CHAT: variants seen among roughly 807,000 people sequenced by gnomAD.
CHAT encodes choline O-acetyltransferase, also known as acetyl CoA:choline O-acetyltransferase.
CHAT carries 61 observed loss-of-function variants against 76.9 expected under a neutral mutation model. The observed-to-expected ratio is 0.79, with a 90% confidence interval of 0.65 to 0.98. The LOEUF (loss-of-function observed/expected upper bound fraction) is 0.98, where lower values mean the gene tolerates loss of function less well. CHAT is among the 50% of genes least tolerant of loss of function. The pLI, the probability that CHAT is intolerant of heterozygous loss-of-function variation, is 0.00. For synonymous variants in CHAT, 407 were observed against 397.4 expected (o/e 1.02, Z -0.29); for missense variants, 946 against 986.9 (o/e 0.96, Z 0.56).
chr10:49,627,872 C>T, intron 7 of CHAT, 87 bp downstream of exon 7: 1 of 1,443,944 alleles, frequency 6.9e-7, no homozygotes, highest in Non-Finnish European at 9.4e-7. Flanking sequence ...GCCAGGGCCT[C>T]ATCCCCATCA....
intron 13 of CHAT, among the ~76,000 whole-genome samples, chr10:49,659,033 C>T (rs1470414904): frequency 1.3e-5 from 2 of 152,026 alleles, no homozygotes; most frequent in East Asian, 1.9e-4. Context: ...ATGGAAAATA[C>T]TCATAGCAAA....
intron 11 of CHAT, among the ~76,000 whole-genome samples, chr10:49,654,641 G>A (rs1038257475): frequency 4.6e-5 from 7 of 152,232 alleles, no homozygotes; most frequent in Non-Finnish European, 1.0e-4. Context: ...CTGGACAGCC[G>A]TTTACGCTTA....
At chr10:49,661,521 C>T (rs534110930) in intron 13 of CHAT, 5 of 152,264 alleles carry the variant, frequency 3.3e-5, no homozygotes, top group South Asian at 2.1e-4. Context: ...TGCATTCATT[C>T]GCAACTGAAA....
rs1295812124 is a variant in CHAT, at chr10:49,665,985, T to C, written c.*939T>C. On this transcript the variant is annotated 3_prime_UTR_variant, in exon 15 of 15. Transcript: ENST00000337653. ...ATGGTTACTTTGGGTTTTTCCATTA[T>C]CTGTTTTGTTTTAAGACAGAGATTT... 6.6e-6 allele frequency among the ~76,000 whole-genome samples: 1 copy of C among 152,222 alleles called. No individual in the cohort carries two copies. The highest frequency in any genetic ancestry group is 1.5e-5 in the Non-Finnish European group (1 of 68,030).
At chr10:49,622,196 G>A in intron 5 of CHAT, 46 bp downstream of exon 5, 16 of 1,583,774 alleles carry the variant, frequency 1.0e-5, no homozygotes, top group Non-Finnish European at 1.4e-5. Context: ...GTCTGCCTAT[G>A]CGTCTATCTC....
chr10:49,655,113 G>A lies in CHAT; in HGVS notation c.1653G>A (p.Val551=). ...CACGCAGGCTCCATCGAAGACTGGT[G>A]CCCACCTACGAGAGCGCGTCCATCC... is the stretch of plus-strand genomic sequence containing the variant. The part of the protein sequence containing the change: ...LAFYRLHRRL[V]PTYESASIRR... The change falls in exon 12 of 15, where the codon GTG becomes GTA. Residue 551 remains valine, a synonymous_variant. Coordinates refer to ENST00000337653, the MANE Select transcript of CHAT (RefSeq NM_020549.5). 1 of 1,614,080 alleles carries A rather than the reference G, an allele frequency of 6.2e-7. No homozygotes were observed. Among genetic ancestry groups the A allele is most frequent in the South Asian group, 1.1e-5 (1 of 91,056 alleles).
At chr10:49,615,800 G>A (rs1838468346) in intron 1 of CHAT, 1 of 548,248 alleles carries the variant, frequency 1.8e-6, no homozygotes, top group Non-Finnish European at 3.2e-6. Flanking sequence ...AGGGGCCCTG[G>A]CTGCCCAGCC....
chr10:49,614,010 T>C, upstream of CHAT: 2 of 1,120,640 alleles, frequency 1.8e-6, no homozygotes, highest in Non-Finnish European at 2.6e-6. Context: ...GCTGGAATAA[T>C]GGGGTTGGGG....
intron 1 of CHAT, chr10:49,615,743 C>A (rs891519484): frequency 1.0e-5 from 5 of 484,076 alleles, no homozygotes; most frequent in Non-Finnish European, 1.8e-5. Flanking sequence ...TTCTACTGTA[C>A]CTTCAAAATT....
At chr10:49,659,045 G>A (rs988328553) in intron 13 of CHAT, among the ~76,000 whole-genome samples, 2 of 151,996 alleles carry the variant, frequency 1.3e-5, no homozygotes, top group African/African-American at 4.8e-5. Flanking sequence ...CATAGCAAAG[G>A]AAATTTCACA....
At chr10:49,626,995 C>CT (rs528701135) in intron 6 of CHAT, among the ~76,000 whole-genome samples, 45 of 152,358 alleles carry the variant, frequency 3.0e-4, no homozygotes, top group African/African-American at 1.1e-3. Flanking sequence ...TGCTGGCTTG[C>CT]TTTTTTTCCT....
upstream of CHAT, chr10:49,611,043 G>A: frequency 1.9e-6 from 3 of 1,614,004 alleles, no homozygotes; most frequent in Admixed American, 1.7e-5. Flanking sequence ...CGGCGTCCCC[G>A]ACAGCTGCGT....
intron 7 of CHAT, among the ~76,000 whole-genome samples, chr10:49,633,329 G>C (rs1839187347): frequency 6.6e-6 from 1 of 152,208 alleles, no homozygotes; most frequent in Non-Finnish European, 1.5e-5. Context: ...GATATTAGCA[G>C]AGCATCCAGG....
intron 7 of CHAT, among the ~76,000 whole-genome samples, chr10:49,637,109 AT>A (rs962755911): frequency 2.8e-5 from 4 of 142,856 alleles, no homozygotes; most frequent in African/African-American, 1.0e-4. Flanking sequence ...CTTTTTGTTG[AT>A]TTTTTTTCCT....
intron 2 of CHAT, 22 bp downstream of exon 2, chr10:49,616,624 C>G (rs780526012): frequency 2.0e-6 from 3 of 1,510,358 alleles, no homozygotes; most frequent in Non-Finnish European, 2.7e-6. Flanking sequence ...TTGGAGCCCT[C>G]TCTCAACCCT....
rs1840224710 is a variant in CHAT at position 49,662,540 on chromosome 10, C to T, written c.1840-105C>T. 12 of 1,433,434 alleles carry T rather than the reference C, an allele frequency of 8.4e-6. 1 individual carries two copies. The highest frequency in any genetic ancestry group is 5.6e-5 in the African/African-American group (4 of 71,526). 88.8% of individuals were successfully genotyped at this position (1,433,434 alleles called of 1,614,324 possible). A position where few individuals can be genotyped will look rare whatever the true frequency, so the allele number is the denominator to read the frequency against. The stretch of plus-strand genomic sequence containing the variant: ...CAGCAGGCACTGGGTAAGCATGAGC[C>T]GTGGCTGCTGGAGTCACCAGCAGTC... On this transcript the variant is annotated intron_variant, in intron 13 of 14. Coordinates refer to ENST00000337653, the MANE Select transcript of CHAT (RefSeq NM_020549.5).
At chr10:49,646,731 G>A (rs1259826927) in intron 8 of CHAT, 57 bp downstream of exon 8, 3 of 1,587,088 alleles carry the variant, frequency 1.9e-6, no homozygotes, top group Non-Finnish European at 2.6e-6. Flanking sequence ...GAGAGAGTGA[G>A]TAGGCAAGCG....
intron 7 of CHAT, among the ~76,000 whole-genome samples, chr10:49,630,000 G>A (rs576973559): frequency 3.9e-5 from 6 of 152,326 alleles, no homozygotes; most frequent in Non-Finnish European, 7.4e-5. Flanking sequence ...CGAGCCGTGA[G>A]TGGATGTTAG....
At chr10:49,650,878 AG>A (rs562631421) in intron 10 of CHAT, among the ~76,000 whole-genome samples, 4 of 152,064 alleles carry the variant, frequency 2.6e-5, no homozygotes, top group African/African-American at 7.2e-5. Flanking sequence ...TCAGCTTTGC[AG>A]GGTTGTTCAG....
Sources: allele counts gnomAD v4.1 joint callset (sites outside exome capture counted in the v4.1 genomes callset), GRCh38; gene constraint gnomAD v4.1.1; transcripts MANE v1.5; gene names NCBI Gene and HGNC (gene_info 2026-07-23, HGNC 2026-07-21).